ST3GAL3: variants seen among roughly 807,000 people sequenced by gnomAD.
ST3GAL3 encodes the protein CMP-N-acetylneuraminate-beta-1,4-galactoside alpha-2,3-sialyltransferase.
Under a neutral mutation model 50.1 loss-of-function variants are expected in ST3GAL3, and 21 were observed. The observed-to-expected ratio is 0.42, with a 90% CI of 0.30 to 0.60. ST3GAL3 has a LOEUF of 0.60. ST3GAL3 is among the 20% of genes least tolerant of loss of function. ST3GAL3 has a pLI of 0.19. For synonymous variants in ST3GAL3, 183 were observed against 190.0 expected (o/e 0.96, Z 0.30); for missense variants, 353 against 489.4 (o/e 0.72, Z 2.63).
chr1:43,919,389 G>A (rs1334603428), intron 9 of ST3GAL3: 2 of 152,270 alleles, frequency 1.3e-5, no homozygotes, highest in African/African-American at 4.8e-5. Flanking sequence ...GATTCTTTTA[G>A]GTTTTCTATG....
At chr1:43,756,253 T>C (rs1688069304) in intron 2 of ST3GAL3, among the ~76,000 whole-genome samples, 1 of 152,026 alleles carries the variant, frequency 6.6e-6, no homozygotes, top group Non-Finnish European at 1.5e-5. Flanking sequence ...TATGGCACCA[T>C]GTATGTGAAA....
At chr1:43,862,077 G>A (rs2070124890) in intron 5 of ST3GAL3, among the ~76,000 whole-genome samples, 1 of 151,750 alleles carries the variant, frequency 6.6e-6, no homozygotes, top group Admixed American at 6.6e-5. Flanking sequence ...ACTTCAGTGA[G>A]TAACTTGAAC....
At chr1:43,799,369 T>C (rs1558349170) in intron 3 of ST3GAL3, among the ~76,000 whole-genome samples, 3 of 152,220 alleles carry the variant, frequency 2.0e-5, no homozygotes, top group Admixed American at 1.3e-4. Flanking sequence ...CTCTTTGGGC[T>C]GCTATAACAA....
intron 4 of ST3GAL3, among the ~76,000 whole-genome samples, chr1:43,836,441 G>T (rs1175308499): frequency 6.6e-6 from 1 of 152,200 alleles, no homozygotes; most frequent in Non-Finnish European, 1.5e-5. Flanking sequence ...TGTGTTCAAT[G>T]AGCAGTTACT....
intron 9 of ST3GAL3, among the ~76,000 whole-genome samples, chr1:43,915,260 C>T (rs566179578): frequency 3.3e-5 from 5 of 152,286 alleles, no homozygotes; most frequent in Non-Finnish European, 7.4e-5. Context: ...CTTTAGTAAC[C>T]GTCACTGATG....
chr1:43,725,199 T>A (rs1336750865), intron 1 of ST3GAL3, among the ~76,000 whole-genome samples: 4 of 151,780 alleles, frequency 2.6e-5, no homozygotes, highest in African/African-American at 9.7e-5. Flanking sequence ...TTTTCTTTTT[T>A]CTTTTCTTTT....
chr1:43,851,211 C>T, intron 5 of ST3GAL3: 1 of 1,495,636 alleles, frequency 6.7e-7, no homozygotes, highest in African/African-American at 1.4e-5. Context: ...TAGCCAGTGT[C>T]TGGGTTCACC....
intron 9 of ST3GAL3, chr1:43,912,025 C>A (rs1409133566): frequency 6.6e-6 from 1 of 152,134 alleles, no homozygotes; most frequent in Non-Finnish European, 1.5e-5. Flanking sequence ...ATTTTAGACA[C>A]GTGATATGTG....
chr1:43,818,147 T>C (rs1307278981), intron 4 of ST3GAL3, among the ~76,000 whole-genome samples: 2 of 152,232 alleles, frequency 1.3e-5, no homozygotes, highest in African/African-American at 4.8e-5. Context: ...TCTGAAATTC[T>C]GGTTAAATTT....
chr1:43,853,031 G>A (rs1014079713), intron 5 of ST3GAL3, among the ~76,000 whole-genome samples: 4 of 152,070 alleles, frequency 2.6e-5, no homozygotes, highest in South Asian at 2.1e-4. Flanking sequence ...AATATAACTC[G>A]TAAAACCTAA....
At chr1:43,883,234 GCTGGGATTA>G (rs2075444171) in intron 5 of ST3GAL3, among the ~76,000 whole-genome samples, 1 of 152,166 alleles carries the variant, frequency 6.6e-6, no homozygotes, top group South Asian at 2.1e-4. Context: ...CTTCTAAAGT[GCTGGGATTA>G]CAGGCATGAG....
chr1:43,799,315 C>G (rs895450220), intron 3 of ST3GAL3, among the ~76,000 whole-genome samples: 1 of 152,080 alleles, frequency 6.6e-6, no homozygotes, highest in Non-Finnish European at 1.5e-5. Flanking sequence ...GGGAGTAGAG[C>G]TCTCTCTTAT....
intron 1 of ST3GAL3, 31 bp from the exon 2 acceptor site, chr1:43,736,202 T>A: frequency 6.3e-7 from 1 of 1,588,632 alleles, no homozygotes; most frequent in Non-Finnish European, 8.6e-7. Context: ...GAGTGCTTTG[T>A]CTTTTAAGAA....
At chr1:43,740,259 A>G (rs1216562833) in intron 2 of ST3GAL3, among the ~76,000 whole-genome samples, 1 of 150,646 alleles carries the variant, frequency 6.6e-6, no homozygotes, top group Non-Finnish European at 1.5e-5. Context: ...GCTACTTGGG[A>G]GGCTGAGGCA....
chr1:43,851,602 C>T (rs188709030), intron 5 of ST3GAL3: 2 of 1,345,922 alleles, frequency 1.5e-6, no homozygotes, highest in East Asian at 4.6e-5. Context: ...TCCAATCCAG[C>T]CCTCTGCCGG....
chr1:43,780,677 T>C (rs529705451), intron 2 of ST3GAL3, among the ~76,000 whole-genome samples: 1 of 151,988 alleles, frequency 6.6e-6, no homozygotes, highest in East Asian at 1.9e-4. Flanking sequence ...GTCCTTTTTA[T>C]TTCTGCTGTT....
intron 2 of ST3GAL3, among the ~76,000 whole-genome samples, chr1:43,778,292 C>T (rs2154139292): frequency 6.6e-6 from 1 of 152,258 alleles, no homozygotes; most frequent in East Asian, 1.9e-4. Context: ...AGGAGAGCAT[C>T]AGGAAGAATA....
intron 2 of ST3GAL3, among the ~76,000 whole-genome samples, chr1:43,751,696 C>T (rs143380814): frequency 2.6e-5 from 4 of 152,250 alleles, no homozygotes; most frequent in Non-Finnish European, 5.9e-5. Flanking sequence ...CATTAATTGG[C>T]AGTTAGAGTA....
At chr1:43,760,382 T>C (rs1173008300) in intron 2 of ST3GAL3, among the ~76,000 whole-genome samples, 2 of 152,222 alleles carry the variant, frequency 1.3e-5, no homozygotes, top group South Asian at 2.1e-4. Context: ...TGTGAAATCA[T>C]TGGAAGATGT....
Sources: allele counts gnomAD v4.1 joint callset (sites outside exome capture counted in the v4.1 genomes callset), GRCh38; gene constraint gnomAD v4.1.1; transcripts MANE v1.5; gene names NCBI Gene and HGNC (gene_info 2026-07-23, HGNC 2026-07-21).